MDGA2: variants seen among roughly 807,000 people sequenced by gnomAD.
MDGA2 encodes MAM domain-containing glycosylphosphatidylinositol anchor protein 2.
Under a neutral mutation model 117.8 loss-of-function variants are expected in MDGA2, and 40 were observed. The observed-to-expected ratio is 0.34, with a 90% confidence interval of 0.26 to 0.44. MDGA2 has a LOEUF of 0.44. MDGA2 is among the 20% of genes least tolerant of loss of function. MDGA2 has a pLI of 1.00. For synonymous variants in MDGA2, 452 were observed against 439.0 expected (o/e 1.03, Z -0.37); for missense variants, 1,123 against 1,250.6 (o/e 0.90, Z 1.54).
intron 1 of MDGA2, among the ~76,000 whole-genome samples, chr14:47,505,502 TA>T (rs1894492036): frequency 6.6e-6 from 1 of 152,126 alleles, no homozygotes; most frequent in African/African-American, 2.4e-5. Context: ...AATATTTTTT[TA>T]AAAAATGCCT....
chr14:47,171,691 C>T (rs1462085749), intron 3 of MDGA2, among the ~76,000 whole-genome samples: 9 of 152,162 alleles, frequency 5.9e-5, no homozygotes, highest in African/African-American at 2.2e-4. Flanking sequence ...AGGAACAGCT[C>T]CGGTCTACAG....
intron 14 of MDGA2, among the ~76,000 whole-genome samples, chr14:46,857,982 CAT>C (rs1436902138): frequency 3.3e-5 from 5 of 151,956 alleles, no homozygotes; most frequent in Admixed American, 1.3e-4. Context: ...TTTTCTGCCA[CAT>C]GTCTCTTTCC....
chr14:46,967,050 A>G (rs916108565), intron 8 of MDGA2, among the ~76,000 whole-genome samples: 1 of 140,270 alleles, frequency 7.1e-6, no homozygotes, highest in Non-Finnish European at 1.6e-5. Context: ...TTTTAATTTT[A>G]AAAACAATAA....
At chr14:47,442,253 G>A (rs1214602158) in intron 1 of MDGA2, among the ~76,000 whole-genome samples, 2 of 152,152 alleles carry the variant, frequency 1.3e-5, no homozygotes, top group African/African-American at 4.8e-5. Context: ...TTGAGTGTCT[G>A]TTTAGTGTCA....
chr14:47,233,409 A>C (rs887625662), intron 2 of MDGA2, among the ~76,000 whole-genome samples: 1 of 152,164 alleles, frequency 6.6e-6, no homozygotes, highest in African/African-American at 2.4e-5. Context: ...GTCTCTCCTT[A>C]CGCGCTTAGT....
chr14:47,381,365 A>G (rs1891621035), intron 1 of MDGA2, among the ~76,000 whole-genome samples: 1 of 152,222 alleles, frequency 6.6e-6, no homozygotes, highest in Non-Finnish European at 1.5e-5. Flanking sequence ...GGCCAGGGCA[A>G]TCAGACAGGA....
At chr14:47,131,680 A>C in intron 5 of MDGA2, 34 bp downstream of exon 5, 1 of 1,442,268 alleles carries the variant, frequency 6.9e-7, no homozygotes. Context: ...AGTTGTAGAT[A>C]AGATACATGT....
At chr14:47,233,732 G>T (rs1192108734) in intron 2 of MDGA2, among the ~76,000 whole-genome samples, 1 of 152,112 alleles carries the variant, frequency 6.6e-6, no homozygotes, top group Non-Finnish European at 1.5e-5. Context: ...ATGCTATGTG[G>T]TTAACTAAAA....
At chr14:47,026,702 A>T (rs1888485455) in intron 8 of MDGA2, among the ~76,000 whole-genome samples, 1 of 152,156 alleles carries the variant, frequency 6.6e-6, no homozygotes, top group African/African-American at 2.4e-5. Flanking sequence ...TGGAAGAAAG[A>T]CAAATTCCTT....
At chr14:46,946,958 T>G (rs778105425) in intron 9 of MDGA2, among the ~76,000 whole-genome samples, 3 of 152,086 alleles carry the variant, frequency 2.0e-5, no homozygotes, top group Non-Finnish European at 4.4e-5. Flanking sequence ...GACTCAAGTC[T>G]TAATACTGAA....
chr14:47,245,988 T>C (rs1200918244), intron 2 of MDGA2, among the ~76,000 whole-genome samples: 1 of 151,812 alleles, frequency 6.6e-6, no homozygotes, highest in African/African-American at 2.4e-5. Flanking sequence ...ACTTTCTTGC[T>C]CAAAGTCACA....
intron 1 of MDGA2, among the ~76,000 whole-genome samples, chr14:47,463,831 TATA>T (rs1893542788): frequency 6.6e-6 from 1 of 152,164 alleles, no homozygotes; most frequent in Non-Finnish European, 1.5e-5. Context: ...ATTGCTTTCC[TATA>T]ATAATGTAGA....
At chr14:47,444,240 G>C (rs1893074100) in intron 1 of MDGA2, 1 of 178,368 alleles carries the variant, frequency 5.6e-6, no homozygotes, top group Admixed American at 5.2e-5. Context: ...ATTTTTCTAG[G>C]TCTTTGAGTT....
chr14:47,497,662 T>G (rs529245669), intron 1 of MDGA2, among the ~76,000 whole-genome samples: 1 of 152,212 alleles, frequency 6.6e-6, no homozygotes, highest in Non-Finnish European at 1.5e-5. Context: ...TCTGCTTGTA[T>G]GTCAATTTAA....
chr14:47,562,075 G>A (rs1895827741), intron 1 of MDGA2, among the ~76,000 whole-genome samples: 1 of 152,200 alleles, frequency 6.6e-6, no homozygotes, highest in African/African-American at 2.4e-5. Context: ...CACGGATAAA[G>A]TCTACTTCAT....
intron 1 of MDGA2, among the ~76,000 whole-genome samples, chr14:47,425,469 T>C (rs1009200622): frequency 9.9e-5 from 15 of 152,096 alleles, no homozygotes; most frequent in African/African-American, 3.6e-4. Context: ...GAACCAGTGA[T>C]TATGATGTCA....
At chr14:47,451,263 T>C (rs1208175219) in intron 1 of MDGA2, among the ~76,000 whole-genome samples, 1 of 152,092 alleles carries the variant, frequency 6.6e-6, no homozygotes, top group African/African-American at 2.4e-5. Flanking sequence ...TCTTTAAGAA[T>C]ACCCAAAGAA....
At chr14:46,879,928 T>G (rs1351795293) in intron 11 of MDGA2, among the ~76,000 whole-genome samples, 1 of 152,176 alleles carries the variant, frequency 6.6e-6, no homozygotes, top group Admixed American at 6.6e-5. Flanking sequence ...TACTTTCCCC[T>G]TAAGCAGGAA....
intron 1 of MDGA2, among the ~76,000 whole-genome samples, chr14:47,346,500 C>T (rs1165003628): frequency 6.6e-6 from 1 of 152,026 alleles, no homozygotes; most frequent in Non-Finnish European, 1.5e-5. Flanking sequence ...TTTAAAAATC[C>T]CTTTCTTTCT....
Sources: allele counts gnomAD v4.1 joint callset (sites outside exome capture counted in the v4.1 genomes callset), GRCh38; gene constraint gnomAD v4.1.1; transcripts MANE v1.5; gene names NCBI Gene and HGNC (gene_info 2026-07-23, HGNC 2026-07-21).